DNAH11: variants seen among roughly 807,000 people sequenced by gnomAD.
DNAH11 encodes axonemal beta dynein heavy chain 11.
DNAH11 carries 442 observed loss-of-function variants against 526.0 expected under a neutral mutation model. That is an observed-to-expected ratio of 0.84 (90% CI 0.78 to 0.91). The LOEUF is 0.91. Ranked by LOEUF, DNAH11 falls within the 40% of genes least tolerant of loss-of-function variation. DNAH11 has a pLI of 0.00. For missense variants in DNAH11, 6,989 were observed against 5,448.7 expected, an observed-to-expected ratio of 1.28 and a Z score of -8.90; for synonymous variants, 2,461 against 1,935.9, an observed-to-expected ratio of 1.27 and a Z score of -7.12.
In DNAH11 at chr7:21,867,974, G is replaced by C; in HGVS notation, c.11806G>C (p.Gly3936Arg). 1 of 1,561,274 alleles carries C rather than the reference G, an allele frequency of 6.4e-7. No individual in the cohort carries two copies. Among genetic ancestry groups the C allele is most frequent in the Non-Finnish European group, 8.7e-7 (1 of 1,151,648 alleles). Reference sequence around the variant, plus strand: ...CCCCATATTCTTCATCCTGTCTCCGGGGGTAGATGCCCTTAAAGACCTGGA... The same window carrying C: ...CCCCATATTCTTCATCCTGTCTCCGCGGGTAGATGCCCTTAAAGACCTGGA... ...ATPIFFILSP[G>R]VDALKDLEIL... The change falls in exon 72 of 82, where the codon GGG (glycine) becomes CGG (arginine). Residue 3936 changes from glycine to arginine, a missense_variant. Gly to Arg is a moderately radical substitution (Grantham distance 125). Coordinates refer to ENST00000409508, the MANE Select transcript of DNAH11 (RefSeq NM_001277115.2).
At position 21,589,390 on chromosome 7, in the gene DNAH11, A is replaced by T. The variant is rs551038953; in HGVS notation, c.2156A>T (p.Asn719Ile). The change falls in exon 12 of 82, where the codon AAT becomes ATT. Residue 719 changes from asparagine (N) to isoleucine (I), a missense_variant. Physicochemically the swap from Asn to Ile is moderately radical, Grantham distance 149. Coordinates refer to ENST00000409508, the MANE Select transcript of DNAH11 (RefSeq NM_001277115.2). ...FSAINGLLCV[N>I]FDPKLVAVLR... ...GCCATAAATGGTCTTCTCTGTGTCA[A>T]TTTTGACCCAAAGGTAGGGATTTGA... The T allele has an allele frequency of 1.9e-6, 3 of 1,600,746 alleles. No individual in the cohort carries two copies. The highest frequency in any genetic ancestry group is 1.7e-6 in the Non-Finnish European group (2 of 1,175,236).
At chr7:21,579,937 C>T (rs536927092) in intron 8 of DNAH11, among the ~76,000 whole-genome samples, 5 of 152,086 alleles carry the variant, frequency 3.3e-5, no homozygotes, top group Admixed American at 6.6e-5. Context: ...AGAGAGACTC[C>T]AGAGGTAGTT....
At chr7:21,553,965 C>T (rs986395834) in intron 2 of DNAH11, among the ~76,000 whole-genome samples, 1 of 151,914 alleles carries the variant, frequency 6.6e-6, no homozygotes, top group Non-Finnish European at 1.5e-5. Flanking sequence ...TTCAAAAGGC[C>T]TTGCCCTACT....
intron 54 of DNAH11, among the ~76,000 whole-genome samples, chr7:21,763,813 CATAT>C (rs1787041575): frequency 8.5e-6 from 1 of 117,326 alleles, no homozygotes; most frequent in Non-Finnish European, 1.9e-5. Context: ...TATACATATA[CATAT>C]ATATACATAT....
chr7:21,710,787 GT>G, intron 41 of DNAH11, 84 bp downstream of exon 41: 7 of 1,336,032 alleles, frequency 5.2e-6, no homozygotes, highest in Non-Finnish European at 7.0e-6. Flanking sequence ...GTTAATACTA[GT>G]TTTTGCTCAT....
chr7:21,858,189 A>G (rs1225692352), intron 68 of DNAH11, among the ~76,000 whole-genome samples: 1 of 152,220 alleles, frequency 6.6e-6, no homozygotes, highest in African/African-American at 2.4e-5. Context: ...GTCTTATTCT[A>G]TGTCCCACAG....
intron 32 of DNAH11, 92 bp downstream of exon 32, chr7:21,684,036 T>A: frequency 7.7e-7 from 1 of 1,300,394 alleles, no homozygotes; most frequent in South Asian, 1.4e-5. Context: ...GAGGAAACGA[T>A]GAACAATGAA....
intron 66 of DNAH11, among the ~76,000 whole-genome samples, chr7:21,850,608 C>CT (rs3062635): frequency 0.016 from 1,029 of 62,572 alleles, 16 homozygotes; most frequent in African/African-American, 0.04. Flanking sequence ...CTGTCTTCTT[C>CT]TTTTTTTTTT....
rs554282602 is a variant in DNAH11 at position 21,586,808 on chromosome 7, C to G, written c.1711-1256C>G. Among the ~76,000 whole-genome samples, 6 of 152,228 alleles carry G rather than the reference C, an allele frequency of 3.9e-5. No individual in the cohort carries two copies. In the East Asian group the frequency reaches 1.2e-3, roughly 29 times the overall value. ...AATACCTATATGACAGGCTTAATAA[C>G]TAACATATTATAAAGCCCACACAGA... On this transcript the variant is annotated intron_variant, in intron 9 of 81. Transcript: ENST00000409508.
chr7:21,560,512 C>A (rs1429460485), intron 4 of DNAH11, among the ~76,000 whole-genome samples: 1 of 152,150 alleles, frequency 6.6e-6, no homozygotes, highest in African/African-American at 2.4e-5. Context: ...CCCAAGAGCC[C>A]CTGGCAAACC....
rs145940768 is a variant in DNAH11 at position 21,687,088 on chromosome 7, A to T, written c.5622-11A>T. ...TTAGACTGTGATGTTTGTGTTTTCTATTGCTTAAAGGTGTTATATTACCTT... is the reference window on the plus strand; with the variant it reads ...TTAGACTGTGATGTTTGTGTTTTCTTTTGCTTAAAGGTGTTATATTACCTT... On this transcript the variant is annotated splice_polypyrimidine_tract_variant and intron_variant, in intron 32 of 81. Coordinates refer to ENST00000409508, the MANE Select transcript of DNAH11 (RefSeq NM_001277115.2). 6.9e-6 allele frequency: 11 copies of T among 1,603,230 alleles called. No homozygotes were observed. Among genetic ancestry groups the T allele is most frequent in the African/African-American group, 1.3e-5 (1 of 74,464 alleles).
intron 36 of DNAH11, 87 bp downstream of exon 36, chr7:21,698,300 A>T: frequency 6.4e-7 from 1 of 1,551,758 alleles, no homozygotes; most frequent in East Asian, 2.3e-5. Context: ...TTATCATTCA[A>T]ATTACATTAG....
intron 9 of DNAH11, among the ~76,000 whole-genome samples, chr7:21,586,159 G>A (rs1166474715): frequency 2.0e-5 from 3 of 152,146 alleles, no homozygotes; most frequent in Non-Finnish European, 4.4e-5. Flanking sequence ...TTGAAAACTT[G>A]GAGTTAAGGA....
At chr7:21,866,289 A>C (rs561119746) in intron 70 of DNAH11, among the ~76,000 whole-genome samples, 181 bp from the exon 71 acceptor site, 2 of 146,544 alleles carry the variant, frequency 1.4e-5, no homozygotes, top group African/African-American at 4.9e-5. Flanking sequence ...ACTCAGCTCA[A>C]GTGTCCTTTG....
intron 51 of DNAH11, among the ~76,000 whole-genome samples, chr7:21,745,557 T>C (rs2128491864): frequency 1.3e-5 from 2 of 152,350 alleles, no homozygotes; most frequent in Middle Eastern, 6.8e-3. Context: ...CCTCATGTAG[T>C]GCACAGACTG....
Position 21,745,051 on chromosome 7 carries a change from C to G in DNAH11, c.8498C>G (p.Ala2833Gly), listed in dbSNP as rs757991938. 1.2e-6 allele frequency: 2 copies of G among 1,606,576 alleles called. No homozygotes were observed. The highest frequency in any genetic ancestry group is 1.1e-5 in the South Asian group (1 of 89,344). Reference protein sequence around the residue: ...AAMHLVLFEDAMQHVCRISRI... With the variant: ...AAMHLVLFEDGMQHVCRISRI... ...ATGCACCTAGTTTTGTTTGAAGATG[C>G]CATGCAACATGTGTGAGTTAACTAG... Residue 2833 changes from alanine (A) to glycine (G), a missense_variant, in exon 51 of 82, where the codon GCC becomes GGC. Ala to Gly is a moderately conservative substitution (Grantham distance 60). Transcript: ENST00000409508.
chr7:21,895,016 T>A lies in DNAH11; in HGVS notation c.13049+17T>A. ...AGCCCAGTGGTAAGCTACCCCATCCTCACTGCCACTGGCCCTGAGCAGCCT... is the reference window on the plus strand; with the variant it reads ...AGCCCAGTGGTAAGCTACCCCATCCACACTGCCACTGGCCCTGAGCAGCCT... On this transcript the variant is annotated intron_variant, in intron 79 of 81. Coordinates refer to ENST00000409508, the MANE Select transcript of DNAH11 (RefSeq NM_001277115.2). The A allele has an allele frequency of 6.2e-7, 1 of 1,603,758 alleles. No homozygotes were observed. Among genetic ancestry groups the A allele is most frequent in the South Asian group, 1.1e-5 (1 of 90,800 alleles).
intron 5 of DNAH11, among the ~76,000 whole-genome samples, chr7:21,561,900 T>C (rs767638578): frequency 6.6e-6 from 1 of 152,246 alleles, no homozygotes; most frequent in Non-Finnish European, 1.5e-5. Flanking sequence ...TTAAAAAGTT[T>C]ATTTTTTCCC....
chr7:21,689,689 C>T (rs1783528245), intron 34 of DNAH11, among the ~76,000 whole-genome samples: 1 of 152,232 alleles, frequency 6.6e-6, no homozygotes, highest in Non-Finnish European at 1.5e-5. Context: ...TTTATCTTGA[C>T]TATACAAAAT....
Sources: allele counts gnomAD v4.1 joint callset (sites outside exome capture counted in the v4.1 genomes callset), GRCh38; gene constraint gnomAD v4.1.1; transcripts MANE v1.5; gene names NCBI Gene and HGNC (gene_info 2026-07-23, HGNC 2026-07-21).